The following LMNB2 variants were observed in gnomAD, a reference collection of about 807,000 sequenced individuals.
LMNB2 encodes lamin-B2.
Under a neutral mutation model 69.3 loss-of-function variants are expected in LMNB2, and 17 were observed. The observed-to-expected ratio is 0.25, with a 90% CI of 0.17 to 0.37. The LOEUF (loss-of-function observed/expected upper bound fraction) is 0.37. LMNB2 is among the 10% of genes least tolerant of loss of function. The probability of loss-of-function intolerance (pLI) is 1.00; values close to 1 mark genes in which losing one functional copy is unlikely to be tolerated. For missense variants in LMNB2, 789 were observed against 883.6 expected (o/e 0.89, Z 1.36); for synonymous variants, 397 against 389.3 (o/e 1.02, Z -0.23).
At position 2,443,632 on chromosome 19, in the gene LMNB2, G is replaced by T. The variant is rs1397804556; in HGVS notation, c.401+772C>A. Among the ~76,000 whole-genome samples the T allele has an allele frequency of 1.3e-5, 2 of 152,180 alleles. No homozygotes were observed. ...GGCACCTGCAGGTGCCTGAATGCCGGTGGCCGGAGACCACGGAAGACAGTG... is the reference window on the plus strand; with the variant it reads ...GGCACCTGCAGGTGCCTGAATGCCGTTGGCCGGAGACCACGGAAGACAGTG... On this transcript the variant is annotated intron_variant, in intron 2 of 11. Transcript: ENST00000325327. This position sits in a 1 kb window ranked among gnomAD's most constrained non-coding sequence, Gnocchi z 6.2.
chr19:2,431,558 A>C lies in LMNB2; in HGVS notation c.1811T>G (p.Phe604Cys). Reference sequence around the variant, plus strand: ...GCACAGGGGTCCTACCTGTTGGTGGAAAAGATCCTCCTCGCCAAACTCGGC... The same window carrying C: ...GCACAGGGGTCCTACCTGTTGGTGGCAAAGATCCTCCTCGCCAAACTCGGC... ...EEAEFGEEDL[F>C]HQQGDPRTTS... Residue 604 changes from phenylalanine (F) to cysteine (C), a missense_variant, in exon 11 of 12, where the codon TTC (phenylalanine) becomes TGC (cysteine). Physicochemically the swap from Phe to Cys is radical, Grantham distance 205. This residue lies in a region of LMNB2 where 609 missense variants were observed against 630.9 expected (regional missense o/e 0.97). Coordinates refer to ENST00000325327, the MANE Select transcript of LMNB2 (RefSeq NM_032737.4). 6.2e-7 allele frequency: 1 copy of C among 1,613,992 alleles called. No homozygotes were observed. The highest frequency in any genetic ancestry group is 8.5e-7 in the Non-Finnish European group (1 of 1,179,896).
intron 1 of LMNB2, among the ~76,000 whole-genome samples, chr19:2,449,060 A>C (rs922306969): frequency 3.3e-5 from 5 of 152,206 alleles, no homozygotes; most frequent in African/African-American, 1.2e-4. Flanking sequence ...CTGCCTAATT[A>C]GTTTCTAACT....
At chr19:2,438,067 G>A (rs1277469137) in intron 4 of LMNB2, 96 bp downstream of exon 4, 12 of 1,580,530 alleles carry the variant, frequency 7.6e-6, no homozygotes, top group South Asian at 6.6e-5. Context: ...GAGGGACCCC[G>A]GCCACACGGT....
rs1475747151 is a variant in LMNB2, at chr19:2,456,708, G to C, written c.226C>G (p.Leu76Val). 9 of 1,560,838 alleles carry C rather than the reference G, an allele frequency of 5.8e-6. No individual in the cohort carries two copies. The highest frequency in any genetic ancestry group is 7.8e-6 in the Non-Finnish European group (9 of 1,154,110). Reference sequence around the variant, plus strand: ...ACCTCCTCCTTCTCTGAGATCTTGAGCAGGAGCCGGTCGTTCTCCAGCTCC... The same window carrying C: ...ACCTCCTCCTTCTCTGAGATCTTGACCAGGAGCCGGTCGTTCTCCAGCTCC... ...ALELENDRLL[L>V]KISEKEEVTT... The change falls in exon 1 of 12, where the codon CTC becomes GTC. Residue 76 changes from leucine (L) to valine (V), a missense_variant. Physicochemically the swap from Leu to Val is conservative, Grantham distance 32. This residue lies in a region of LMNB2 where 145 missense variants were observed against 228.9 expected (regional missense o/e 0.63). Coordinates refer to ENST00000325327, the MANE Select transcript of LMNB2 (RefSeq NM_032737.4).
intron 2 of LMNB2, among the ~76,000 whole-genome samples, chr19:2,442,041 G>A (rs1036447297): frequency 6.6e-6 from 1 of 152,236 alleles, no homozygotes; most frequent in Non-Finnish European, 1.5e-5. Context: ...AGCGCCAGGT[G>A]CTGAGTTAGA....
At position 2,444,424 on chromosome 19, in the gene LMNB2, C is replaced by T. The variant is rs770742412; in HGVS notation, c.381G>A (p.Glu127=). 2.2e-5 allele frequency: 36 copies of T among 1,613,772 alleles called. No homozygotes were observed. The highest frequency in any genetic ancestry group is 2.9e-5 in the Non-Finnish European group (34 of 1,180,038). ...LQIEIGKLRA[E]LDEVNKSAKK... ...CTCACCTCTTGTTGACCTCGTCCAA[C>T]TCTGCCCTCAGCTTCCCAATCTCTA... Residue 127 remains glutamate, a synonymous_variant, in exon 2 of 12, where the codon GAG becomes GAA. Transcript: ENST00000325327.
intron 1 of LMNB2, among the ~76,000 whole-genome samples, chr19:2,448,215 C>T (rs916706243): frequency 3.9e-5 from 6 of 152,362 alleles, no homozygotes; most frequent in East Asian, 3.9e-4. Context: ...GCCAGCTCCA[C>T]GCTGCAAACA....
At chr19:2,434,165 G>C (rs567242414) in intron 7 of LMNB2, 60 bp from the exon 8 acceptor site, 1 of 1,552,784 alleles carries the variant, frequency 6.4e-7, no homozygotes, top group East Asian at 2.4e-5. Context: ...CCCAGGGCAC[G>C]CAGAGTGGCG....
Position 2,434,290 on chromosome 19 carries a change from C to A in LMNB2, c.1202+5G>T. 6.2e-7 allele frequency: 1 copy of A among 1,612,436 alleles called. No individual in the cohort carries two copies. Among genetic ancestry groups the A allele is most frequent in the East Asian group, 2.2e-5 (1 of 44,852 alleles). On this transcript the variant is annotated splice_donor_5th_base_variant and intron_variant, in intron 7 of 11. Coordinates refer to ENST00000325327, the MANE Select transcript of LMNB2 (RefSeq NM_032737.4). ...TGTGCTCCCAAGCCTCCTGGCCTGC[C>A]GCACCTCTCCTCCTCGCCCTCCAGG...
intron 11 of LMNB2, 80 bp downstream of exon 11, chr19:2,431,468 C>T: frequency 6.3e-7 from 1 of 1,589,106 alleles, no homozygotes; most frequent in Admixed American, 1.7e-5. Context: ...ATGCGGCCAG[C>T]ACGCATGTGT....
intron 1 of LMNB2, among the ~76,000 whole-genome samples, chr19:2,449,742 G>A (rs1971998963): frequency 6.6e-6 from 1 of 150,684 alleles, no homozygotes; most frequent in African/African-American, 2.4e-5. Context: ...ACGCCACTAC[G>A]CTGCAGCCTG....
In LMNB2 at chr19:2,444,555, G is replaced by A. The variant is rs372351989; in HGVS notation, c.265-15C>T. 6.2e-7 allele frequency: 1 copy of A among 1,607,428 alleles called. No homozygotes were observed. Among genetic ancestry groups the A allele is most frequent in the East Asian group, 2.2e-5 (1 of 44,886 alleles). ...ATGCCACTCACCTGGGGAGACCCAG[G>A]ACAGGGTGAAGCGAGAGGGACCCTT... On this transcript the variant is annotated splice_polypyrimidine_tract_variant and intron_variant, in intron 1 of 11. Coordinates refer to ENST00000325327, the MANE Select transcript of LMNB2 (RefSeq NM_032737.4).
At position 2,429,426 on chromosome 19, in the gene LMNB2, C is replaced by G. The variant is rs1475585424; in HGVS notation, c.*1485G>C. ...CCGGGACTTCTGAGAGCAAGGACAG[C>G]GAGCAGGGGCTACGTGGAGCAGCGG... is the stretch of plus-strand genomic sequence containing the variant. On this transcript the variant is annotated 3_prime_UTR_variant, in exon 12 of 12. Transcript: ENST00000325327. 1 of 152,306 alleles carries G rather than the reference C, an allele frequency of 6.6e-6. No individual in the cohort carries two copies. The highest frequency in any genetic ancestry group is 2.4e-5 in the African/African-American group (1 of 41,472). The allele number at this position is 152,306 out of a possible 1,614,324, so 9.4% of individuals were successfully genotyped here.
chr19:2,431,038 AC>A (rs1286595967), intron 11 of LMNB2, 86 bp from the exon 12 acceptor site: 24 of 824,024 alleles, frequency 2.9e-5, no homozygotes, highest in Non-Finnish European at 4.3e-5. Context: ...CCACCTCCCC[AC>A]CAGGGAGGGG....
At position 2,434,984 on chromosome 19, in the gene LMNB2, C is replaced by T. The variant is rs1419569840; in HGVS notation, c.855+17G>A. ...GTTCCCACCGGCCGCCCCCGCCCAC[C>T]CGCCTGCCGGCCACACCTTGGCCTG... On this transcript the variant is annotated intron_variant, in intron 5 of 11. Transcript: ENST00000325327. 2 of 1,601,612 alleles carry T rather than the reference C, an allele frequency of 1.2e-6. No homozygotes were observed. Among genetic ancestry groups the T allele is most frequent in the South Asian group, 2.2e-5 (2 of 90,948 alleles).
rs200293412 is a variant in LMNB2 at position 2,434,061 on chromosome 19, C to A, written c.1247G>T (p.Arg416Leu). 2.6e-4 allele frequency: 408 copies of A among 1,598,960 alleles called. 6 individuals are homozygous for A. The Admixed American group carries it at 7.0e-3, about 27-fold the overall frequency. The change falls in exon 8 of 12, where the codon CGA (arginine) becomes CTA (leucine). Residue 416 changes from arginine to leucine, a missense_variant. Arg to Leu is a moderately radical substitution (Grantham distance 102). Coordinates refer to ENST00000325327, the MANE Select transcript of LMNB2 (RefSeq NM_032737.4). Reference protein sequence around the residue: ...PSPSSRVTVSRATSSSSGSLS... With the variant: ...PSPSSRVTVSLATSSSSGSLS... Reference sequence around the variant, plus strand: ...GCTGCCGCTGCTGCTCGAGGTGGCTCGTGAGACGGTGACGCGCGAGGATGG... The same window carrying A: ...GCTGCCGCTGCTGCTCGAGGTGGCTAGTGAGACGGTGACGCGCGAGGATGG...
intron 1 of LMNB2, among the ~76,000 whole-genome samples, chr19:2,456,418 C>G (rs2145478856): frequency 6.7e-6 from 1 of 150,298 alleles, no homozygotes; most frequent in Non-Finnish European, 1.5e-5. Flanking sequence ...CTCGAAACCC[C>G]CTGGAGACCC....
Position 2,428,811 on chromosome 19 carries a change from A to G in LMNB2, c.*2100T>C, listed in dbSNP as rs572061647. The G allele has an allele frequency of 1.3e-5, 2 of 152,148 alleles. No individual in the cohort carries two copies. Among genetic ancestry groups the G allele is most frequent in the South Asian group, 4.1e-4 (2 of 4,830 alleles). 9.4% of individuals were successfully genotyped at this position (152,148 alleles called of 1,614,324 possible). On this transcript the variant is annotated 3_prime_UTR_variant, in exon 12 of 12. Transcript: ENST00000325327. ...TTTGATTTTCTTAGTGTTTCCAAAG[A>G]CTCAATTCTCAATGAACCTCCAATT... is the stretch of plus-strand genomic sequence containing the variant.
intron 1 of LMNB2, among the ~76,000 whole-genome samples, chr19:2,445,163 C>G (rs1263271366): frequency 1.3e-5 from 2 of 151,956 alleles, no homozygotes; most frequent in African/African-American, 4.8e-5. Flanking sequence ...GCCTGAGAGC[C>G]CCCTGCCCCC....
Sources: allele counts gnomAD v4.1 joint callset (sites outside exome capture counted in the v4.1 genomes callset), GRCh38; gene constraint gnomAD v4.1.1; regional missense constraint gnomAD v4.1.1; non-coding constraint Gnocchi (gnomAD v3.1); transcripts MANE v1.5; gene names NCBI Gene and HGNC (gene_info 2026-07-23, HGNC 2026-07-21).